ATRNL1: variants seen among roughly 807,000 people sequenced by gnomAD.
The protein encoded by ATRNL1 is attractin-like protein 1.
In ATRNL1, 95 loss-of-function variants were observed where a neutral mutation model predicts 182.7. The ratio of observed to expected loss-of-function variants is 0.52; its 90% CI spans 0.44 to 0.62. The LOEUF (loss-of-function observed/expected upper bound fraction) is 0.62. Ranked by LOEUF, ATRNL1 falls within the 20% of genes least tolerant of loss-of-function variation. The probability of loss-of-function intolerance (pLI) is 0.00; values close to 1 mark genes in which losing one functional copy is unlikely to be tolerated. For synonymous variants in ATRNL1, 576 were observed against 568.3 expected (o/e 1.01, Z -0.19); for missense variants, 1,471 against 1,679.5 (o/e 0.88, Z 2.17).
chr10:115,807,157 G>C (rs1252680300), intron 27 of ATRNL1, among the ~76,000 whole-genome samples: 2 of 151,402 alleles, frequency 1.3e-5, no homozygotes, highest in East Asian at 3.9e-4. Context: ...GCCCAGGCTG[G>C]AGTGCAGTGG....
At chr10:115,164,635 A>G (rs1188705653) in intron 6 of ATRNL1, among the ~76,000 whole-genome samples, 2 of 152,148 alleles carry the variant, frequency 1.3e-5, no homozygotes, top group African/African-American at 4.8e-5. Flanking sequence ...ACAATGGAGT[A>G]TTGTTTAGTC....
intron 27 of ATRNL1, among the ~76,000 whole-genome samples, chr10:115,758,088 C>T (rs1395346638): frequency 3.3e-5 from 5 of 151,762 alleles, no homozygotes; most frequent in Non-Finnish European, 7.4e-5. Flanking sequence ...TCTTAGCTTC[C>T]TTGCATTGGG....
intron 25 of ATRNL1, among the ~76,000 whole-genome samples, chr10:115,531,049 C>T (rs1301211997): frequency 1.3e-5 from 2 of 152,054 alleles, no homozygotes; most frequent in African/African-American, 4.8e-5. Flanking sequence ...TGGGTTGGTT[C>T]CAAGTCTTTG....
chr10:115,220,142 CT>C (rs1448716273), intron 9 of ATRNL1, among the ~76,000 whole-genome samples: 2 of 152,116 alleles, frequency 1.3e-5, no homozygotes, highest in African/African-American at 4.8e-5. Context: ...CACATGTCAC[CT>C]TTTGAACTGC....
Position 115,514,382 on chromosome 10 carries a change from A to G in ATRNL1, c.3655-4881A>G, listed in dbSNP as rs118001081. Among the ~76,000 whole-genome samples the G allele has an allele frequency of 2.2e-4, 33 of 151,836 alleles. 1 individual carries two copies. In the East Asian group the frequency reaches 6.4e-3, roughly 29 times the overall value. ...AGATAATGTAATTATTTCAAGTTTT[A>G]GAATGTTTTGGTTCTTTACTTCCTG... On this transcript the variant is annotated intron_variant, in intron 24 of 28. Coordinates refer to ENST00000355044, the MANE Select transcript of ATRNL1 (RefSeq NM_207303.4).
intron 19 of ATRNL1, among the ~76,000 whole-genome samples, chr10:115,389,895 C>T (rs908972194): frequency 1.3e-4 from 20 of 151,884 alleles, no homozygotes; most frequent in African/African-American, 4.8e-4. Context: ...CACTTAAACA[C>T]GTGTGAGGTG....
intron 27 of ATRNL1, among the ~76,000 whole-genome samples, chr10:115,756,342 C>G (rs1948590829): frequency 6.6e-6 from 1 of 152,040 alleles, no homozygotes; most frequent in South Asian, 2.1e-4. Flanking sequence ...TAGCTGTGTC[C>G]CAGAGATTCT....
intron 4 of ATRNL1, among the ~76,000 whole-genome samples, chr10:115,128,756 G>A (rs1351465481): frequency 1.3e-5 from 2 of 151,376 alleles, no homozygotes; most frequent in Non-Finnish European, 2.9e-5. Context: ...GAACCTGGGA[G>A]GCGGAGCTTT....
At chr10:115,432,254 C>T (rs1343207875) in intron 21 of ATRNL1, among the ~76,000 whole-genome samples, 2 of 152,012 alleles carry the variant, frequency 1.3e-5, no homozygotes, top group African/African-American at 4.8e-5. Context: ...ATACTTACAT[C>T]ACATTTTAAT....
Position 115,608,275 on chromosome 10 carries a change from C to T in ATRNL1, c.3795+58739C>T, listed in dbSNP as rs145820464. Among the ~76,000 whole-genome samples, 393 of 152,048 alleles carry T rather than the reference C, an allele frequency of 2.6e-3. 1 individual carries two copies. The highest frequency in any genetic ancestry group is 9.1e-3 in the African/African-American group (376 of 41,504). ...ATATAAATCAGTTAACATCCATAAC[C>T]GATAGCTACTCATCTACAAAGAGTC... On this transcript the variant is annotated intron_variant, in intron 26 of 28. Coordinates refer to ENST00000355044, the MANE Select transcript of ATRNL1 (RefSeq NM_207303.4).
At chr10:115,212,922 A>G (rs1361712472) in intron 8 of ATRNL1, among the ~76,000 whole-genome samples, 4 of 152,124 alleles carry the variant, frequency 2.6e-5, no homozygotes, top group Non-Finnish European at 5.9e-5. Flanking sequence ...GGGTGATGAA[A>G]TAATCTATAC....
chr10:115,530,485 G>C (rs1554987921), intron 25 of ATRNL1, among the ~76,000 whole-genome samples: 1 of 151,936 alleles, frequency 6.6e-6, no homozygotes, highest in East Asian at 1.9e-4. Context: ...GGAATCTAAA[G>C]AATACAACAG....
At chr10:115,570,367 G>A (rs1555003121) in intron 26 of ATRNL1, among the ~76,000 whole-genome samples, 1 of 152,062 alleles carries the variant, frequency 6.6e-6, no homozygotes, top group African/African-American at 2.4e-5. Flanking sequence ...TCACCCTGGG[G>A]GTTAAGATTT....
At chr10:115,126,054 CT>C (rs1844959056) in intron 3 of ATRNL1, among the ~76,000 whole-genome samples, 1 of 152,094 alleles carries the variant, frequency 6.6e-6, no homozygotes, top group African/African-American at 2.4e-5. Context: ...CAGATCTATT[CT>C]TTTTTGTTTG....
intron 26 of ATRNL1, among the ~76,000 whole-genome samples, chr10:115,706,275 G>C (rs1173149623): frequency 6.6e-6 from 1 of 151,752 alleles, no homozygotes; most frequent in Non-Finnish European, 1.5e-5. Flanking sequence ...TCTTACTTTA[G>C]TGGTCACATT....
At chr10:115,856,696 G>A (rs1198948780) in intron 28 of ATRNL1, among the ~76,000 whole-genome samples, 11 of 151,946 alleles carry the variant, frequency 7.2e-5, no homozygotes, top group Admixed American at 1.3e-4. Flanking sequence ...CCTCACATGC[G>A]CAGTTCACAA....
intron 26 of ATRNL1, among the ~76,000 whole-genome samples, chr10:115,551,813 C>T (rs1490600873): frequency 6.6e-6 from 1 of 151,240 alleles, no homozygotes; most frequent in Non-Finnish European, 1.5e-5. Flanking sequence ...TTACAATTGT[C>T]CCCCCTTATC....
At chr10:115,916,539 C>T (rs575341134) in intron 28 of ATRNL1, among the ~76,000 whole-genome samples, 1 of 152,352 alleles carries the variant, frequency 6.6e-6, no homozygotes, top group African/African-American at 2.4e-5. Flanking sequence ...AGCTCTCCCT[C>T]GCCTCATGGA....
chr10:115,252,811 A>C (rs1176433072), intron 10 of ATRNL1, among the ~76,000 whole-genome samples: 2 of 152,170 alleles, frequency 1.3e-5, no homozygotes, highest in African/African-American at 4.8e-5. Flanking sequence ...ATGCAATTCT[A>C]GTATCTTAAT....
Sources: gnomAD v4.1 joint callset for allele counts (sites outside exome capture counted in the v4.1 genomes callset) on GRCh38, gnomAD v4.1.1 for gene constraint, MANE v1.5 for transcripts, NCBI Gene and HGNC (gene_info 2026-07-23, HGNC 2026-07-21) for gene names.